Variants in CDH17 observed in about 807,000 individuals in gnomAD.
The protein encoded by CDH17 is cadherin-17.
A neutral mutation model predicts 86.3 loss-of-function variants in CDH17; 67 were observed. The ratio of observed to expected loss-of-function variants is 0.78; its 90% CI spans 0.64 to 0.95. CDH17 has a LOEUF of 0.95. CDH17 is among the 40% of genes least tolerant of loss of function. The pLI is 0.00. For synonymous variants in CDH17, 367 were observed against 366.4 expected (o/e 1.00, Z -0.02); for missense variants, 993 against 1,017.6 (o/e 0.98, Z 0.33).
rs1563582187 is a variant in CDH17 at position 94,180,886 on chromosome 8, T to TCCCAGAGTGAGAC, written c.151-3166_151-3165insGTCTCACTCTGGG. Among the ~76,000 whole-genome samples the TCCCAGAGTGAGAC allele has an allele frequency of 1.0e-4, 15 of 149,170 alleles. No homozygotes were observed. In the East Asian group the frequency reaches 2.0e-3, roughly 20 times the overall value. ...TTCCAGCCTGGAGGACAGAGTGAGATTCCCAGAGTGAGACTCCGTCTCGAA... is the reference window on the plus strand; with the variant it reads ...TTCCAGCCTGGAGGACAGAGTGAGATCCCAGAGTGAGACTCCCAGAGTGAGACTCCGTCTCGAA... On this transcript the variant is annotated intron_variant, in intron 3 of 17. Coordinates refer to ENST00000027335, the MANE Select transcript of CDH17 (RefSeq NM_004063.4).
chr8:94,131,806 C>CTATCCTAATGTA (rs1812426106), intron 15 of CDH17, among the ~76,000 whole-genome samples: 1 of 152,102 alleles, frequency 6.6e-6, no homozygotes, highest in Non-Finnish European at 1.5e-5. Flanking sequence ...TTAGGTATTT[C>CTATCCTAATGTA]TCCTAATGCT....
At chr8:94,153,993 T>C (rs1345080023) in intron 12 of CDH17, among the ~76,000 whole-genome samples, 2 of 152,208 alleles carry the variant, frequency 1.3e-5, no homozygotes, top group Admixed American at 6.5e-5. Flanking sequence ...TTAACAACAA[T>C]ATAGTGTATA....
intron 15 of CDH17, 51 bp downstream of exon 15, chr8:94,145,877 C>G: frequency 6.4e-7 from 1 of 1,567,168 alleles, no homozygotes; most frequent in South Asian, 1.2e-5. Flanking sequence ...TAAATAAAAC[C>G]TACTTTCATC....
rs138400622 is a variant in CDH17 at position 94,206,496 on chromosome 8, G to A, written c.-21+1987C>T. Among the ~76,000 whole-genome samples the A allele has an allele frequency of 7.9e-3, 1,209 of 152,282 alleles. 20 individuals carry two copies. Among genetic ancestry groups the A allele is most frequent in the African/African-American group, 0.026 (1,093 of 41,540 alleles). ...TGTTTGTCGGCCTCCAGAGCAAGGAGCATGACAATGCCCAGCTTTCCTCCT... is the reference window on the plus strand; with the variant it reads ...TGTTTGTCGGCCTCCAGAGCAAGGAACATGACAATGCCCAGCTTTCCTCCT... On this transcript the variant is annotated intron_variant, in intron 1 of 17. Coordinates refer to ENST00000027335, the MANE Select transcript of CDH17 (RefSeq NM_004063.4).
intron 15 of CDH17, among the ~76,000 whole-genome samples, chr8:94,133,158 T>C (rs1812453198): frequency 6.6e-6 from 1 of 152,194 alleles, no homozygotes; most frequent in African/African-American, 2.4e-5. Context: ...GGGCTCTTTT[T>C]TGGTTCCATA....
At chr8:94,185,063 A>G (rs2514819) in intron 3 of CDH17, among the ~76,000 whole-genome samples, 117,107 of 152,070 alleles carry the variant, frequency 0.77, 46,250 homozygotes, top group African/African-American at 0.91. Context: ...GGAGAGAGCA[A>G]AATGTGCTTG....
At chr8:94,145,675 G>A (rs892277991) in intron 15 of CDH17, among the ~76,000 whole-genome samples, 23 of 151,942 alleles carry the variant, frequency 1.5e-4, no homozygotes, top group Admixed American at 1.1e-3. Flanking sequence ...TGAAAATTTT[G>A]CAAATGATGC....
chr8:94,135,030 G>A (rs1179636614), intron 15 of CDH17, among the ~76,000 whole-genome samples: 3 of 152,124 alleles, frequency 2.0e-5, no homozygotes, highest in Non-Finnish European at 2.9e-5. Flanking sequence ...GAGACAGTTT[G>A]TTGTGATTTC....
intron 7 of CDH17, among the ~76,000 whole-genome samples, chr8:94,173,528 T>C (rs917867297): frequency 6.6e-6 from 1 of 152,184 alleles, no homozygotes; most frequent in Non-Finnish European, 1.5e-5. Context: ...GATGCACCAA[T>C]TAAACTTTTC....
chr8:94,130,552 A>G, intron 17 of CDH17, 74 bp downstream of exon 17: 2 of 1,007,664 alleles, frequency 2.0e-6, no homozygotes, highest in Non-Finnish European at 3.0e-6. Context: ...CCAGTCCAGG[A>G]AGACAGGCCC....
intron 3 of CDH17, among the ~76,000 whole-genome samples, chr8:94,180,957 A>C (rs1439225756): frequency 6.6e-6 from 1 of 151,826 alleles, no homozygotes; most frequent in African/African-American, 2.4e-5. Context: ...AAAAAAAAAA[A>C]AAACAAAGTG....
chr8:94,152,306 T>C (rs1164235501), intron 12 of CDH17, among the ~76,000 whole-genome samples, 194 bp from the exon 13 acceptor site: 2 of 152,176 alleles, frequency 1.3e-5, no homozygotes, highest in African/African-American at 4.8e-5. Context: ...ACAGACAAAA[T>C]ATAAGACCTG....
intron 17 of CDH17, among the ~76,000 whole-genome samples, chr8:94,129,134 A>G (rs1429988722): frequency 6.6e-6 from 1 of 152,234 alleles, no homozygotes; most frequent in Non-Finnish European, 1.5e-5. Flanking sequence ...GATGTCCCCA[A>G]ACTCAAGCAG....
At chr8:94,212,712 C>T (rs1383460344), upstream of CDH17, among the ~76,000 whole-genome samples, 2 of 152,334 alleles carry the variant, frequency 1.3e-5, no homozygotes, top group South Asian at 2.1e-4. Context: ...TTCTTCCCCA[C>T]TATCTACTCT....
At chr8:94,193,958 G>A (rs1207347501) in intron 2 of CDH17, among the ~76,000 whole-genome samples, 1 of 150,964 alleles carries the variant, frequency 6.6e-6, no homozygotes, top group Non-Finnish European at 1.5e-5. Flanking sequence ...AAAAAAGAGA[G>A]CAAATGCTTC....
At chr8:94,169,411 A>G (rs1813225505) in intron 9 of CDH17, among the ~76,000 whole-genome samples, 1 of 152,194 alleles carries the variant, frequency 6.6e-6, no homozygotes, top group South Asian at 2.1e-4. Context: ...CCTGATAGCA[A>G]GAAGAAAAAT....
At chr8:94,163,242 A>AC (rs1053444255) in intron 10 of CDH17, among the ~76,000 whole-genome samples, 1 of 152,254 alleles carries the variant, frequency 6.6e-6, no homozygotes, top group Non-Finnish European at 1.5e-5. Flanking sequence ...CCAGGGTCAC[A>AC]CAACTAACTA....
chr8:94,174,282 G>GAA (rs34016273), intron 5 of CDH17, 22 bp from the exon 6 acceptor site: 3,262 of 1,261,360 alleles, frequency 2.6e-3, no homozygotes, highest in South Asian at 8.2e-3. Context: ...GACGTACCCA[G>GAA]AAAAAAAAAA....
At chr8:94,150,322 G>A (rs1266374264) in intron 13 of CDH17, among the ~76,000 whole-genome samples, 1 of 152,282 alleles carries the variant, frequency 6.6e-6, no homozygotes, top group Non-Finnish European at 1.5e-5. Context: ...GGGCAAGGAC[G>A]AATCCAGAAC....
Sources: allele counts gnomAD v4.1 joint callset (sites outside exome capture counted in the v4.1 genomes callset), GRCh38; gene constraint gnomAD v4.1.1; transcripts MANE v1.5; gene names NCBI Gene and HGNC (gene_info 2026-07-23, HGNC 2026-07-21).